The following AKAP6 variants were observed in gnomAD, a reference collection of about 807,000 sequenced individuals.
The protein encoded by AKAP6 is A-kinase anchor protein 6.
Under a neutral mutation model 188.5 loss-of-function variants are expected in AKAP6, and 58 were observed. The observed-to-expected ratio is 0.31, with a 90% CI of 0.25 to 0.38. AKAP6 has a LOEUF of 0.38. AKAP6 is among the 10% of genes least tolerant of loss of function. The pLI is 1.00. For missense variants in AKAP6, 2,710 were observed against 2,740.0 expected, an observed-to-expected ratio of 0.99 and a Z score of 0.24; for synonymous variants, 989 against 998.6, an observed-to-expected ratio of 0.99 and a Z score of 0.18.
rs181950746 is a variant in AKAP6, at chr14:32,471,650, T to A, written c.324+37833T>A. 3.0e-3 allele frequency among the ~76,000 whole-genome samples: 461 copies of A among 152,318 alleles called. 3 individuals are homozygous for A. The highest frequency in any genetic ancestry group is 6.8e-3 in the Middle Eastern group (2 of 294). ...TCTCACCCAATTTGGGTAGGTGGAA[T>A]CCTGTACCCCCCACCAGGGCTATAG... On this transcript the variant is annotated intron_variant, in intron 2 of 13. Coordinates refer to ENST00000280979, the MANE Select transcript of AKAP6 (RefSeq NM_004274.5).
intron 1 of AKAP6, among the ~76,000 whole-genome samples, chr14:32,355,426 C>CATGCT (rs59615660): frequency 0.31 from 47,610 of 151,808 alleles, 8,124 homozygotes; most frequent in African/African-American, 0.46. Flanking sequence ...GTCTTGTTCT[C>CATGCT]ATCCCAGATG....
chr14:32,605,675 C>T (rs1281757956), intron 7 of AKAP6, among the ~76,000 whole-genome samples: 2 of 152,178 alleles, frequency 1.3e-5, no homozygotes, highest in African/African-American at 4.8e-5. Context: ...CTGGATTTGG[C>T]TTCTTAGCCA....
intron 2 of AKAP6, among the ~76,000 whole-genome samples, chr14:32,475,975 G>A (rs989651881): frequency 1.3e-4 from 20 of 152,074 alleles, no homozygotes; most frequent in Admixed American, 1.2e-3. Flanking sequence ...GAGCCACTGC[G>A]CCTGGCCTTC....
chr14:32,748,232 C>T (rs1230215314), intron 11 of AKAP6, among the ~76,000 whole-genome samples: 1 of 152,156 alleles, frequency 6.6e-6, no homozygotes, highest in African/African-American at 2.4e-5. Context: ...GAATCTGATC[C>T]ATCATAGTTT....
At chr14:32,797,057 G>GAT (rs1379466441) in intron 12 of AKAP6, among the ~76,000 whole-genome samples, 2 of 152,130 alleles carry the variant, frequency 1.3e-5, no homozygotes, top group African/African-American at 4.8e-5. Context: ...TTAGAGAAAT[G>GAT]CAAATCAAAA....
chr14:32,777,333 T>A (rs2033100058), intron 12 of AKAP6, among the ~76,000 whole-genome samples: 1 of 152,174 alleles, frequency 6.6e-6, no homozygotes, highest in South Asian at 2.1e-4. Context: ...GCAGGAATAG[T>A]CAGCTGATGT....
rs189402846 is a variant in AKAP6 at position 32,792,243 on chromosome 14, C to T, written c.3588+18350C>T. ...GCCATTTTCATGATATTGATTCTTC[C>T]TATCCATGAGCATGGAATGTTTTTC... On this transcript the variant is annotated intron_variant, in intron 12 of 13. Coordinates refer to ENST00000280979, the MANE Select transcript of AKAP6 (RefSeq NM_004274.5). 9.7e-3 allele frequency among the ~76,000 whole-genome samples: 1,471 copies of T among 152,246 alleles called. 23 individuals carry two copies. Among genetic ancestry groups the T allele is most frequent in the African/African-American group, 0.034 (1,403 of 41,532 alleles).
At chr14:32,589,277 C>T (rs1017887912) in intron 5 of AKAP6, among the ~76,000 whole-genome samples, 1 of 152,192 alleles carries the variant, frequency 6.6e-6, no homozygotes, top group East Asian at 1.9e-4. Context: ...GCTTGTCCCC[C>T]TTGATTCCCA....
At position 32,546,267 on chromosome 14, in the gene AKAP6, C is replaced by T. The variant is rs201008777; in HGVS notation, c.1614C>T (p.Ser538=). Residue 538 remains serine (S), a synonymous_variant, in exon 4 of 14, where the codon TCC becomes TCT. Coordinates refer to ENST00000280979, the MANE Select transcript of AKAP6 (RefSeq NM_004274.5). ...AVPNGELSYT[S]KAIEGPQTNS... is the part of the protein sequence containing the mutation. ...CAAATGGAGAGCTTTCTTATACTTC[C>T]AAGGCCATAGAGGGGCCACAAACAA... The T allele has an allele frequency of 6.8e-6, 11 of 1,614,018 alleles. No homozygotes were observed. The highest frequency in any genetic ancestry group is 9.3e-6 in the Non-Finnish European group (11 of 1,180,036).
rs1001557858 is a variant in AKAP6 at position 32,720,490 on chromosome 14, A to G, written c.3001-11964A>G. ...CACAAGAGGTCATGGAAGATAGAAG[A>G]ATGTGACTGTTGTGTTTGAAGTTTG... On this transcript the variant is annotated intron_variant, in intron 9 of 13. Coordinates refer to ENST00000280979, the MANE Select transcript of AKAP6 (RefSeq NM_004274.5). Among the ~76,000 whole-genome samples the G allele has an allele frequency of 6.1e-4, 93 of 152,222 alleles. 1 individual carries two copies. Among genetic ancestry groups the G allele is most frequent in the Non-Finnish European group, 2.8e-4 (19 of 68,038 alleles).
At position 32,628,634 on chromosome 14, in the gene AKAP6, A is replaced by G. The variant is rs2139443903; in HGVS notation, c.2730+27842A>G. The stretch of plus-strand genomic sequence containing the variant: ...TGAAAAGGCCTGTTTATATGGCTAG[A>G]TTTGCACGCATTTGCCAGGCCTTTA... On this transcript the variant is annotated intron_variant, in intron 7 of 13. Transcript: ENST00000280979. Among the ~76,000 whole-genome samples the G allele has an allele frequency of 2.6e-5, 4 of 152,102 alleles. No homozygotes were observed. In the South Asian group the frequency reaches 8.3e-4, roughly 32 times the overall value.
At chr14:32,787,458 G>A (rs1039759567) in intron 12 of AKAP6, among the ~76,000 whole-genome samples, 4 of 151,946 alleles carry the variant, frequency 2.6e-5, no homozygotes, top group African/African-American at 4.8e-5. Context: ...ACAGTGACAC[G>A]TTATTAAATA....
At chr14:32,364,395 G>T (rs1887761296) in intron 1 of AKAP6, among the ~76,000 whole-genome samples, 1 of 152,122 alleles carries the variant, frequency 6.6e-6, no homozygotes, top group Admixed American at 6.5e-5. Context: ...CTGCTGATGG[G>T]CAGGGGCAGA....
At chr14:32,589,028 G>T (rs1218271722) in intron 5 of AKAP6, among the ~76,000 whole-genome samples, 8 of 152,124 alleles carry the variant, frequency 5.3e-5, no homozygotes, top group African/African-American at 1.9e-4. Flanking sequence ...AGATGACAGG[G>T]TTTTCTTTTT....
chr14:32,544,944 TA>T (rs1883127285), intron 3 of AKAP6, among the ~76,000 whole-genome samples: 1 of 152,188 alleles, frequency 6.6e-6, no homozygotes, highest in Non-Finnish European at 1.5e-5. Flanking sequence ...ATATTATTTT[TA>T]AGTTGAAAAT....
intron 2 of AKAP6, among the ~76,000 whole-genome samples, chr14:32,434,779 T>C (rs1594610074): frequency 6.6e-6 from 1 of 152,176 alleles, no homozygotes; most frequent in Admixed American, 6.5e-5. Context: ...AAATGAAGCA[T>C]AGAGCCTAGA....
rs370689972 is a variant in AKAP6, at chr14:32,546,139, A to G, written c.1486A>G (p.Lys496Glu). ...CTGCTATAAAGAGAAATCTCGACTT[A>G]AAAAGCCACACAAGACCTCAGAAGA... ...NDCYKEKSRL[K>E]KPHKTSEEVP... Residue 496 changes from lysine (K) to glutamate (E), a missense_variant, in exon 4 of 14, where the codon AAA (lysine) becomes GAA (glutamate). Physicochemically the swap from Lys to Glu is moderately conservative, Grantham distance 56. Around this residue, in one of 2 missense-constraint regions of AKAP6, gnomAD observed 2,473 missense variants for 2,426.1 expected, o/e 1.02. Transcript: ENST00000280979. 1.9e-6 allele frequency: 3 copies of G among 1,613,902 alleles called. No homozygotes were observed. Among genetic ancestry groups the G allele is most frequent in the African/African-American group, 1.3e-5 (1 of 74,972 alleles).
At chr14:32,334,135 T>G (rs1886616394) in intron 1 of AKAP6, among the ~76,000 whole-genome samples, 1 of 152,170 alleles carries the variant, frequency 6.6e-6, no homozygotes, top group Non-Finnish European at 1.5e-5. Context: ...ATATAGGACT[T>G]TGGCCATGGC....
intron 12 of AKAP6, among the ~76,000 whole-genome samples, chr14:32,818,390 G>A (rs2034439925): frequency 6.6e-6 from 1 of 151,932 alleles, no homozygotes; most frequent in Admixed American, 6.6e-5. Context: ...ATATAAAATG[G>A]TTTATTATTT....
Sources: allele counts gnomAD v4.1 joint callset (sites outside exome capture counted in the v4.1 genomes callset), GRCh38; gene constraint gnomAD v4.1.1; regional missense constraint gnomAD v4.1.1; transcripts MANE v1.5; gene names NCBI Gene and HGNC (gene_info 2026-07-23, HGNC 2026-07-21).